The following ART3 variants were observed in gnomAD, a reference collection of about 807,000 sequenced individuals.
ART3 encodes the protein ecto-ADP-ribosyltransferase 3.
ART3 carries 49 observed loss-of-function variants against 48.5 expected under a neutral mutation model. That is an observed-to-expected ratio of 1.01 (90% confidence interval 0.80 to 1.28). The LOEUF is 1.28. ART3 is among the 50% of genes most tolerant of loss of function. ART3 has a pLI of 0.00. For synonymous variants in ART3, 145 were observed against 157.2 expected (o/e 0.92, Z 0.58); for missense variants, 438 against 454.3 (o/e 0.96, Z 0.33).
At chr4:76,040,822 A>T (rs1030811485) in intron 1 of ART3, among the ~76,000 whole-genome samples, 6 of 152,052 alleles carry the variant, frequency 3.9e-5, no homozygotes, top group Non-Finnish European at 7.4e-5. Flanking sequence ...AAGGAGAGGG[A>T]TTGGTTTTGT....
chr4:76,038,867 T>G (rs928244001), intron 1 of ART3, among the ~76,000 whole-genome samples: 9 of 146,290 alleles, frequency 6.2e-5, no homozygotes, highest in African/African-American at 2.0e-4. Context: ...GGATTACAGG[T>G]GCGTGCCTCC....
chr4:76,022,342 T>G, intron 1 of ART3: 1 of 1,590,414 alleles, frequency 6.3e-7, no homozygotes, highest in Non-Finnish European at 8.6e-7. Flanking sequence ...AGAGCAATTC[T>G]TCTGCAGGCA....
At chr4:76,047,949 T>G (rs2149445080) in intron 1 of ART3, among the ~76,000 whole-genome samples, 1 of 152,060 alleles carries the variant, frequency 6.6e-6, no homozygotes, top group Admixed American at 6.6e-5. Flanking sequence ...TGATCTGTTT[T>G]AAATCAGAGA....
chr4:76,017,711 C>T (rs1732393840), intron 1 of ART3, among the ~76,000 whole-genome samples: 1 of 152,178 alleles, frequency 6.6e-6, no homozygotes, highest in Non-Finnish European at 1.5e-5. Flanking sequence ...TTATTTAGGA[C>T]CCCAGAGCAC....
intron 8 of ART3, 87 bp downstream of exon 8, chr4:76,101,106 G>A: frequency 6.6e-7 from 1 of 1,522,132 alleles, no homozygotes; most frequent in South Asian, 1.2e-5. Context: ...GTCGTGGTAA[G>A]AAAAGTGGGA....
intron 1 of ART3, among the ~76,000 whole-genome samples, chr4:76,024,571 T>C (rs1193494027): frequency 6.6e-6 from 1 of 152,218 alleles, no homozygotes; most frequent in Non-Finnish European, 1.5e-5. Context: ...ACTCATATAA[T>C]GGAACACATG....
intron 2 of ART3, among the ~76,000 whole-genome samples, chr4:76,079,920 A>T (rs550572968): frequency 1.6e-4 from 24 of 149,038 alleles, no homozygotes; most frequent in South Asian, 8.6e-4. Flanking sequence ...TCTCTCTCTC[A>T]CACACACACA....
chr4:76,042,448 A>G (rs567584739), intron 1 of ART3, among the ~76,000 whole-genome samples: 1 of 152,320 alleles, frequency 6.6e-6, no homozygotes, highest in Admixed American at 6.5e-5. Context: ...ACTCCTAGGG[A>G]AGAGGTTGCC....
chr4:76,013,915 CTT>C (rs1159163619), intron 1 of ART3, among the ~76,000 whole-genome samples: 7 of 152,028 alleles, frequency 4.6e-5, no homozygotes, highest in Admixed American at 4.6e-4. Flanking sequence ...CATTTCCTAC[CTT>C]TTTAAGACCA....
intron 1 of ART3, among the ~76,000 whole-genome samples, chr4:76,062,808 C>T (rs994483086): frequency 3.9e-5 from 6 of 152,084 alleles, no homozygotes; most frequent in African/African-American, 1.4e-4. Flanking sequence ...GATCCGCCCA[C>T]CTCAGCCTCC....
At chr4:76,050,486 C>T (rs892614812) in intron 1 of ART3, among the ~76,000 whole-genome samples, 5 of 152,156 alleles carry the variant, frequency 3.3e-5, no homozygotes, top group Non-Finnish European at 7.4e-5. Context: ...GGTGTATTTA[C>T]AAACCTTGAG....
chr4:76,017,090 G>A (rs747261072), intron 1 of ART3, among the ~76,000 whole-genome samples: 1 of 151,950 alleles, frequency 6.6e-6, no homozygotes, highest in Non-Finnish European at 1.5e-5. Flanking sequence ...TGGTACCTGT[G>A]GTTCAAGAAA....
chr4:76,022,261 C>CT (rs1732910533), intron 1 of ART3: 2 of 938,090 alleles, frequency 2.1e-6, no homozygotes, highest in Non-Finnish European at 3.4e-6. Context: ...TGGTAACATA[C>CT]TTTTAAACCA....
At chr4:76,065,659 G>A (rs1248530045) in intron 1 of ART3, among the ~76,000 whole-genome samples, 2 of 151,698 alleles carry the variant, frequency 1.3e-5, no homozygotes, top group African/African-American at 4.8e-5. Context: ...AAAGAAAGTT[G>A]AGAATTAAAG....
intron 10 of ART3, chr4:76,106,134 T>C: frequency 1.0e-6 from 1 of 985,376 alleles, no homozygotes. Context: ...ATAAGAAGGC[T>C]AACAAATTTA....
intron 1 of ART3, among the ~76,000 whole-genome samples, chr4:76,075,069 G>C (rs1001649325): frequency 1.3e-5 from 2 of 152,108 alleles, no homozygotes; most frequent in Non-Finnish European, 2.9e-5. Context: ...ATCTATAAAA[G>C]GGAAGACTTC....
chr4:76,016,997 C>T (rs527535850), intron 1 of ART3, among the ~76,000 whole-genome samples: 1 of 152,220 alleles, frequency 6.6e-6, no homozygotes, highest in African/African-American at 2.4e-5. Context: ...TGGGCCAGGG[C>T]AGGTCCAGAA....
At chr4:76,101,224 T>G (rs566854432) in intron 8 of ART3, among the ~76,000 whole-genome samples, 1 of 152,334 alleles carries the variant, frequency 6.6e-6, no homozygotes, top group South Asian at 2.1e-4. Flanking sequence ...TTCTCCTGTC[T>G]AACAATCTTT....
chr4:76,109,885 T>A (rs536218042), intron 11 of ART3, among the ~76,000 whole-genome samples: 1 of 152,338 alleles, frequency 6.6e-6, no homozygotes, highest in African/African-American at 2.4e-5. Context: ...ATATGAAGGC[T>A]TTTACAAATC....
Sources: gnomAD v4.1 joint callset for allele counts (sites outside exome capture counted in the v4.1 genomes callset) on GRCh38, gnomAD v4.1.1 for gene constraint, MANE v1.5 for transcripts, NCBI Gene and HGNC (gene_info 2026-07-23, HGNC 2026-07-21) for gene names.